HTR6: variants seen among roughly 807,000 people sequenced by gnomAD.
HTR6 encodes 5-hydroxytryptamine (serotonin) receptor 6, G protein-coupled.
HTR6 carries 15 observed loss-of-function variants against 17.4 expected under a neutral mutation model. The observed-to-expected ratio is 0.86, with a 90% CI of 0.58 to 1.33. The LOEUF (loss-of-function observed/expected upper bound fraction) is 1.33. Ranked by LOEUF, HTR6 falls within the 40% of genes most tolerant of loss-of-function variation. The probability of loss-of-function intolerance (pLI) is 0.00; values close to 1 mark genes in which losing one functional copy is unlikely to be tolerated. For missense variants in HTR6, 578 were observed against 616.0 expected, an observed-to-expected ratio of 0.94 and a Z score of 0.65; for synonymous variants, 326 against 295.5, an observed-to-expected ratio of 1.10 and a Z score of -1.06.
rs774502281 is a variant in HTR6, at chr1:19,679,075, C to T, written c.1030C>T (p.Arg344Cys). ...FLPCPRCPRE[R>C]QASLASPSLR... ...GCCATGTCCACGCTGTCCCCGGGAG[C>T]GCCAGGCCAGCCTGGCCTCGCCATC... Residue 344 changes from arginine (R) to cysteine (C), a missense_variant, in exon 3 of 3, where the codon CGC becomes TGC. Arg to Cys is a radical substitution (Grantham distance 180). Transcript: ENST00000289753. This position sits in a 1 kb window ranked among gnomAD's most constrained non-coding sequence, Gnocchi z 4.9. 62 of 1,613,780 alleles carry T rather than the reference C, an allele frequency of 3.8e-5. No homozygotes were observed. The highest frequency in any genetic ancestry group is 5.3e-5 in the African/African-American group (4 of 74,936).
In HTR6 at chr1:19,679,600, CTT is replaced by C. The variant is rs2095099203; in HGVS notation, c.*233_*234del. The C allele has an allele frequency of 1.7e-6, 1 of 573,012 alleles. No individual in the cohort carries two copies. Among genetic ancestry groups the C allele is most frequent in the Non-Finnish European group, 2.9e-6 (1 of 342,804 alleles). The allele number at this position is 573,012 out of a possible 1,614,324, so 35.5% of individuals were successfully genotyped here. ...AAGGATGCTCCACTGTTGAGTGTAA[CTT>C]GTGTGTGCAGAGGATGGGCTGGAGG... is the stretch of plus-strand genomic sequence containing the variant. On this transcript the variant is annotated 3_prime_UTR_variant, in exon 3 of 3. Transcript: ENST00000289753. This position sits in a 1 kb window ranked among gnomAD's most constrained non-coding sequence, Gnocchi z 4.9.
rs1440689086 is a variant in HTR6, at chr1:19,678,702, T to C, written c.850T>C (p.Phe284Leu). 1.2e-6 allele frequency: 2 copies of C among 1,612,164 alleles called. No individual in the cohort carries two copies. Among genetic ancestry groups the C allele is most frequent in the Non-Finnish European group, 1.7e-6 (2 of 1,178,606 alleles). Residue 284 changes from phenylalanine to leucine, a missense_variant, in exon 2 of 3, where the codon TTC (phenylalanine) becomes CTC (leucine). Transcript: ENST00000289753. Reference protein sequence around the residue: ...LGMFFVTWLPFFVANIVQAVC... With the variant: ...LGMFFVTWLPLFVANIVQAVC... The stretch of plus-strand genomic sequence containing the variant: ...CATGTTCTTTGTGACCTGGTTGCCC[T>C]TCTTTGTGGCCAACATAGTCCAGGT...
Position 19,678,612 on chromosome 1 carries a change from C to T in HTR6, c.760C>T (p.Arg254Cys), listed in dbSNP as rs2095097233. ...AGGGGTGGAGTCTGCTGACAGCAGG[C>T]GTCTAGCCACGAAGCACAGCAGGAA... ...RPGVESADSR[R>C]LATKHSRKAL... The change falls in exon 2 of 3, where the codon CGT becomes TGT. Residue 254 changes from arginine (R) to cysteine (C), a missense_variant. Transcript: ENST00000289753. 8.1e-6 allele frequency: 13 copies of T among 1,613,248 alleles called. No homozygotes were observed. Among genetic ancestry groups the T allele is most frequent in the African/African-American group, 1.3e-5 (1 of 75,012 alleles).
rs1553120822 is a variant in HTR6 at position 19,679,183 on chromosome 1, T to TCGGACTCAGACG, written c.1140_1151dup (p.Asp381_Ala384dup). ...GCTGCCCCTGCCGCCGGACTCAGAT[T>TCGGACTCAGACG]CGGACTCAGACGCAGGCTCAGGCGG... is the stretch of plus-strand genomic sequence containing the variant. On this transcript the variant is annotated inframe_insertion, in exon 3 of 3. Transcript: ENST00000289753. This position sits in a 1 kb window ranked among gnomAD's most constrained non-coding sequence, Gnocchi z 4.9. 6.3e-7 allele frequency: 1 copy of TCGGACTCAGACG among 1,586,874 alleles called. No individual in the cohort carries two copies.
At chr1:19,678,888 G>A (rs954085548) in intron 2 of HTR6, 31 bp from the exon 3 acceptor site, 2 of 1,568,220 alleles carry the variant, frequency 1.3e-6, no homozygotes, top group Non-Finnish European at 1.7e-6. Flanking sequence ...CCCTGCCCTG[G>A]GACCAGGCAT....
chr1:19,677,574 T>C (rs2095095874), intron 1 of HTR6, among the ~76,000 whole-genome samples: 3 of 152,224 alleles, frequency 2.0e-5, no homozygotes, highest in Admixed American at 2.0e-4. Context: ...ATTGGCTCTG[T>C]GCACACATTC....
Position 19,665,591 on chromosome 1 carries a change from G to T in HTR6, c.-163G>T, listed in dbSNP as rs200346906. The T allele has an allele frequency of 5.5e-6, 3 of 541,056 alleles. No homozygotes were observed. The highest frequency in any genetic ancestry group is 9.7e-6 in the Non-Finnish European group (3 of 310,404). 33.5% of individuals were successfully genotyped at this position (541,056 alleles called of 1,614,324 possible). Reference sequence around the variant, plus strand: ...TAGTCGCTGCCCCCTGACCTAGCGCGACCCAGCGCCCCCGCCCATGTCCCC... The same window carrying T: ...TAGTCGCTGCCCCCTGACCTAGCGCTACCCAGCGCCCCCGCCCATGTCCCC... On this transcript the variant is annotated 5_prime_UTR_variant, in exon 1 of 3. Coordinates refer to ENST00000289753, the MANE Select transcript of HTR6 (RefSeq NM_000871.3). The surrounding 1 kb of genome is among the most constrained non-coding windows in gnomAD (Gnocchi z 4.2).
intron 1 of HTR6, among the ~76,000 whole-genome samples, chr1:19,671,119 G>A (rs1024022953): frequency 6.6e-6 from 1 of 152,156 alleles, no homozygotes; most frequent in Non-Finnish European, 1.5e-5. Context: ...ACTGTACCAC[G>A]ATGAGGATTA....
rs933089045 is a variant in HTR6 at position 19,675,943 on chromosome 1, T to C, written c.715-2624T>C. On this transcript the variant is annotated intron_variant, in intron 1 of 2. Coordinates refer to ENST00000289753, the MANE Select transcript of HTR6 (RefSeq NM_000871.3). ...ACCCTCTTTTACTCCCTTGCTAACT[T>C]GGAATGACTTTGGAGCAGACTCGTG... Among the ~76,000 whole-genome samples the C allele has an allele frequency of 7.2e-5, 11 of 152,118 alleles. No homozygotes were observed. In the East Asian group the frequency reaches 2.1e-3, roughly 29 times the overall value.
chr1:19,666,215 C>G lies in HTR6; in HGVS notation c.462C>G (p.Ala154=). ...TAGTCCTGGGCGCCTGGAGCCTCGC[C>G]GCTCTCGCCTCCTTCCTGCCCCTGC... ...LALVLGAWSL[A]ALASFLPLLL... The change falls in exon 1 of 3, where the codon GCC becomes GCG. Residue 154 remains alanine (A), a synonymous_variant. Coordinates refer to ENST00000289753, the MANE Select transcript of HTR6 (RefSeq NM_000871.3). The surrounding 1 kb of genome is among the most constrained non-coding windows in gnomAD (Gnocchi z 4.5). 1 of 1,609,212 alleles carries G rather than the reference C, an allele frequency of 6.2e-7. No homozygotes were observed. Among genetic ancestry groups the G allele is most frequent in the Non-Finnish European group, 8.5e-7 (1 of 1,179,640 alleles).
At chr1:19,677,514 C>G (rs1163026237) in intron 1 of HTR6, among the ~76,000 whole-genome samples, 1 of 152,110 alleles carries the variant, frequency 6.6e-6, no homozygotes, top group Non-Finnish European at 1.5e-5. Context: ...CTATAAAATG[C>G]CAAGGTAACC....
At chr1:19,676,121 A>T (rs2095094132) in intron 1 of HTR6, among the ~76,000 whole-genome samples, 1 of 151,948 alleles carries the variant, frequency 6.6e-6, no homozygotes, top group Non-Finnish European at 1.5e-5. Context: ...GCTCAAAATC[A>T]CCCCAACCTC....
Position 19,666,612 on chromosome 1 carries a change from C to T in HTR6, c.714+145C>T, listed in dbSNP as rs2100467378. 1 of 640,212 alleles carries T rather than the reference C, an allele frequency of 1.6e-6. No individual in the cohort carries two copies. The highest frequency in any genetic ancestry group is 4.2e-4 in the Middle Eastern group (1 of 2,360). 39.7% of individuals were successfully genotyped at this position (640,212 alleles called of 1,614,324 possible). ...GAGCGCCCACCTTTCTTCTGAACTC[C>T]AGAGCCAATGCCTGACCCACCCACC... On this transcript the variant is annotated intron_variant, in intron 1 of 2. Coordinates refer to ENST00000289753, the MANE Select transcript of HTR6 (RefSeq NM_000871.3). This position sits in a 1 kb window ranked among gnomAD's most constrained non-coding sequence, Gnocchi z 4.5.
chr1:19,672,887 C>G (rs1344030999), intron 1 of HTR6, among the ~76,000 whole-genome samples: 1 of 152,112 alleles, frequency 6.6e-6, no homozygotes, highest in Non-Finnish European at 1.5e-5. Flanking sequence ...AAAAAATTAG[C>G]CAGGCCTGGT....
intron 1 of HTR6, among the ~76,000 whole-genome samples, chr1:19,671,578 T>C (rs1332747705): frequency 6.6e-6 from 1 of 152,116 alleles, no homozygotes; most frequent in African/African-American, 2.4e-5. Context: ...CCCTCAATGT[T>C]TGGACCTAAA....
Position 19,679,208 on chromosome 1 carries a change from G to A in HTR6, c.1163G>A (p.Gly388Asp), listed in dbSNP as rs1360046008. ...SDSDSDAGSG[G>D]SSGLRLTAQL... ...TCGGACTCAGACGCAGGCTCAGGCG[G>A]CTCCTCGGGCCTGCGGCTCACGGCC... is the stretch of plus-strand genomic sequence containing the variant. Residue 388 changes from glycine (G) to aspartate (D), a missense_variant, in exon 3 of 3, where the codon GGC becomes GAC. Coordinates refer to ENST00000289753, the MANE Select transcript of HTR6 (RefSeq NM_000871.3). This position sits in a 1 kb window ranked among gnomAD's most constrained non-coding sequence, Gnocchi z 4.9. 1.9e-6 allele frequency: 3 copies of A among 1,568,210 alleles called. No homozygotes were observed. Among genetic ancestry groups the A allele is most frequent in the Admixed American group, 3.7e-5 (2 of 53,700 alleles).
rs1883563 is a variant in HTR6 at position 19,680,091 on chromosome 1, T to C, written c.*723T>C. 0.76 allele frequency among the ~76,000 whole-genome samples: 115,458 copies of C among 152,110 alleles called. 44,296 individuals are homozygous for C. The highest frequency in any genetic ancestry group is 0.8 in the Non-Finnish European group (54,348 of 67,980). On this transcript the variant is annotated 3_prime_UTR_variant, in exon 3 of 3. Coordinates refer to ENST00000289753, the MANE Select transcript of HTR6 (RefSeq NM_000871.3). ...GAGCTCTGGGGCCTGACACGAGTTA[T>C]TTAACCTCTCCGAGCCTCGGTTATC... is the stretch of plus-strand genomic sequence containing the variant.
In HTR6 at chr1:19,679,217, G is replaced by T; in HGVS notation, c.1172G>T (p.Gly391Val). 1 of 1,568,978 alleles carries T rather than the reference G, an allele frequency of 6.4e-7. No homozygotes were observed. Among genetic ancestry groups the T allele is most frequent in the Non-Finnish European group, 8.6e-7 (1 of 1,159,954 alleles). Residue 391 changes from glycine to valine, a missense_variant, in exon 3 of 3, where the codon GGC becomes GTC. Coordinates refer to ENST00000289753, the MANE Select transcript of HTR6 (RefSeq NM_000871.3). The surrounding 1 kb of genome is among the most constrained non-coding windows in gnomAD (Gnocchi z 4.9). ...GACGCAGGCTCAGGCGGCTCCTCGG[G>T]CCTGCGGCTCACGGCCCAGCTGCTG... Reference protein sequence around the residue: ...DSDAGSGGSSGLRLTAQLLLP... With the variant: ...DSDAGSGGSSVLRLTAQLLLP...
chr1:19,677,526 G>A (rs1388480394), intron 1 of HTR6, among the ~76,000 whole-genome samples: 2 of 152,026 alleles, frequency 1.3e-5, no homozygotes, highest in African/African-American at 2.4e-5. Flanking sequence ...AAGGTAACCA[G>A]CATCCTTAGG....
Sources: gnomAD v4.1 joint callset for allele counts (sites outside exome capture counted in the v4.1 genomes callset) on GRCh38, gnomAD v4.1.1 for gene constraint, Gnocchi (gnomAD v3.1) non-coding constraint, MANE v1.5 for transcripts, NCBI Gene and HGNC (gene_info 2026-07-23, HGNC 2026-07-21) for gene names.